Variants in CTNNA3 observed in about 807,000 individuals in gnomAD.
The protein encoded by CTNNA3 is catenin alpha 3.
CTNNA3 carries 76 observed loss-of-function variants against 95.7 expected under a neutral mutation model. The ratio of observed to expected loss-of-function variants is 0.79; its 90% CI spans 0.66 to 0.96. The LOEUF is 0.96. Among genes scored for constraint, CTNNA3 ranks in the 40% least tolerant of loss-of-function variants. The pLI, the probability that CTNNA3 is intolerant of heterozygous loss-of-function variation, is 0.00. For synonymous variants in CTNNA3, 431 were observed against 374.4 expected (o/e 1.15, Z -1.74); for missense variants, 1,191 against 1,089.8 (o/e 1.09, Z -1.31).
chr10:66,324,639 G>A, intron 12 of CTNNA3, among the ~76,000 whole-genome samples: 1 of 152,130 alleles, frequency 6.6e-6, no homozygotes, highest in East Asian at 1.9e-4. Flanking sequence ...AGGGGTTTGA[G>A]CAGTGATGGC....
Position 66,714,196 on chromosome 10 carries a change from T to C in CTNNA3, c.1281+52068A>G, listed in dbSNP as rs544669118. Among the ~76,000 whole-genome samples the C allele has an allele frequency of 1.3e-3, 195 of 152,160 alleles. 1 individual carries two copies. Among genetic ancestry groups the C allele is most frequent in the Non-Finnish European group, 1.9e-3 (132 of 68,022 alleles). On this transcript the variant is annotated intron_variant, in intron 9 of 17. Coordinates refer to ENST00000433211, the MANE Select transcript of CTNNA3 (RefSeq NM_013266.4). ...CTCAAACTTTTCCTAATGGAGCTAGTATATTCTGTAAGTAAATAACTTTCC... is the reference window on the plus strand; with the variant it reads ...CTCAAACTTTTCCTAATGGAGCTAGCATATTCTGTAAGTAAATAACTTTCC...
chr10:67,753,534 T>C (rs1841418242), intron 1 of CTNNA3, among the ~76,000 whole-genome samples: 1 of 152,068 alleles, frequency 6.6e-6, no homozygotes, highest in Non-Finnish European at 1.5e-5. Context: ...AGACAACCTA[T>C]GGAATGGGAG....
intron 13 of CTNNA3, among the ~76,000 whole-genome samples, chr10:66,179,667 C>G (rs2085934609): frequency 6.6e-6 from 1 of 151,976 alleles, no homozygotes; most frequent in Admixed American, 6.6e-5. Context: ...GAAAGCTCTT[C>G]TAGGTTTTTG....
At chr10:67,760,207 T>C (rs1041843263) in intron 1 of CTNNA3, among the ~76,000 whole-genome samples, 4 of 152,150 alleles carry the variant, frequency 2.6e-5, no homozygotes, top group Admixed American at 2.6e-4. Context: ...AGGATAGATA[T>C]TGGAATAAAG....
intron 5 of CTNNA3, among the ~76,000 whole-genome samples, chr10:67,509,172 G>A (rs560487596): frequency 1.3e-4 from 20 of 151,418 alleles, no homozygotes; most frequent in South Asian, 1.0e-3. Flanking sequence ...CACTGTGCCC[G>A]AACTAAATAG....
At chr10:66,646,382 T>C (rs1040531489) in intron 9 of CTNNA3, among the ~76,000 whole-genome samples, 9 of 152,138 alleles carry the variant, frequency 5.9e-5, no homozygotes, top group African/African-American at 2.2e-4. Flanking sequence ...CATCACAGAA[T>C]GTTATGGGAG....
intron 13 of CTNNA3, among the ~76,000 whole-genome samples, chr10:66,230,471 A>G (rs781219704): frequency 6.6e-5 from 10 of 152,102 alleles, no homozygotes; most frequent in Non-Finnish European, 1.5e-4. Context: ...CAATGTCATC[A>G]GTGTCTGAGA....
chr10:66,285,110 CTG>C (rs541935688), intron 12 of CTNNA3, among the ~76,000 whole-genome samples: 7 of 151,600 alleles, frequency 4.6e-5, no homozygotes, highest in Non-Finnish European at 1.0e-4. Context: ...CTGACCTACT[CTG>C]ATCCTTTATC....
intron 11 of CTNNA3, among the ~76,000 whole-genome samples, chr10:66,467,606 C>T (rs899390778): frequency 2.6e-5 from 4 of 152,032 alleles, no homozygotes; most frequent in Admixed American, 1.3e-4. Context: ...CAAAATAAGG[C>T]AACTCTTTTC....
intron 1 of CTNNA3, among the ~76,000 whole-genome samples, chr10:67,719,232 A>C (rs1209727148): frequency 1.4e-5 from 2 of 147,656 alleles, no homozygotes; most frequent in Non-Finnish European, 3.0e-5. Context: ...CTATTTTGTT[A>C]ATCTTTAAAA....
chr10:66,049,747 A>C (rs923992620), intron 15 of CTNNA3, among the ~76,000 whole-genome samples: 2 of 152,146 alleles, frequency 1.3e-5, no homozygotes, highest in Non-Finnish European at 2.9e-5. Flanking sequence ...AATGGTAAGA[A>C]CTTTTGAGCA....
intron 8 of CTNNA3, among the ~76,000 whole-genome samples, chr10:66,766,914 A>C (rs574881660): frequency 6.6e-6 from 1 of 152,354 alleles, no homozygotes; most frequent in African/African-American, 2.4e-5. Flanking sequence ...ATAGAGCAAG[A>C]AGAATAATAA....
chr10:67,338,074 C>T (rs1355110634), intron 5 of CTNNA3, among the ~76,000 whole-genome samples: 2 of 152,156 alleles, frequency 1.3e-5, no homozygotes, highest in African/African-American at 4.8e-5. Context: ...GTTTCATCTT[C>T]AGGAGCCAGA....
At chr10:66,106,321 TTGTGTGTGTGTGTGTTTGTGTGTG>T (rs2081905305) in intron 13 of CTNNA3, among the ~76,000 whole-genome samples, 1 of 139,036 alleles carries the variant, frequency 7.2e-6, no homozygotes, top group Non-Finnish European at 1.5e-5. Flanking sequence ...TCTGGAAGTT[TTGTGTGTGTGTGTGTTTGTGTGTG>T]TGTGTGTGTG....
intron 9 of CTNNA3, among the ~76,000 whole-genome samples, chr10:66,690,356 G>A (rs1215523497): frequency 1.3e-5 from 2 of 151,342 alleles, no homozygotes; most frequent in African/African-American, 4.9e-5. Flanking sequence ...TTAAGTTTTA[G>A]GGTAAATGTG....
intron 10 of CTNNA3, among the ~76,000 whole-genome samples, chr10:66,536,475 C>A (rs1841663270): frequency 1.1e-5 from 1 of 92,846 alleles, no homozygotes; most frequent in African/African-American, 3.5e-5. Flanking sequence ...GAGCAAGACT[C>A]TGTCTCAAAA....
At chr10:67,492,480 T>C (rs1838880436) in intron 5 of CTNNA3, among the ~76,000 whole-genome samples, 2 of 152,254 alleles carry the variant, frequency 1.3e-5, no homozygotes, top group Admixed American at 6.5e-5. Context: ...CATTCATTTC[T>C]CCAACAAGTG....
At chr10:65,966,530 T>G in intron 17 of CTNNA3, 82 bp downstream of exon 17, 1 of 1,169,310 alleles carries the variant, frequency 8.6e-7, no homozygotes, top group Non-Finnish European at 1.1e-6. Context: ...ACCTAAAAGA[T>G]TTGGTCATGT....
intron 7 of CTNNA3, among the ~76,000 whole-genome samples, chr10:66,855,550 G>A (rs570145447): frequency 1.3e-5 from 2 of 151,824 alleles, no homozygotes; most frequent in Non-Finnish European, 2.9e-5. Context: ...GACCCATTTA[G>A]CACCAAACAG....
Sources: allele counts gnomAD v4.1 joint callset (sites outside exome capture counted in the v4.1 genomes callset), GRCh38; gene constraint gnomAD v4.1.1; transcripts MANE v1.5; gene names NCBI Gene and HGNC (gene_info 2026-07-23, HGNC 2026-07-21).